Variants in FER observed in about 807,000 individuals in gnomAD.
The protein encoded by FER is tyrosine-protein kinase Fer.
Under a neutral mutation model 111.0 loss-of-function variants are expected in FER, and 63 were observed. The ratio of observed to expected loss-of-function variants is 0.57; its 90% CI spans 0.46 to 0.70. The LOEUF (loss-of-function observed/expected upper bound fraction) is 0.70. Among genes scored for constraint, FER ranks in the 30% least tolerant of loss-of-function variants. The pLI is 0.00. For synonymous variants in FER, 327 were observed against 313.9 expected (o/e 1.04, Z -0.44); for missense variants, 914 against 954.0 (o/e 0.96, Z 0.55).
rs542402938 is a variant in FER at position 108,996,164 on chromosome 5, CT to C, written c.1656+36820del. On this transcript the variant is annotated intron_variant, in intron 13 of 19. Transcript: ENST00000281092. ...TCATTGTAGATTCTGGATATTAGCCCTTTGTCAGATGGAGAGATTGCAAAAA... is the reference window on the plus strand; with the variant it reads ...TCATTGTAGATTCTGGATATTAGCCCTTGTCAGATGGAGAGATTGCAAAAA... Among the ~76,000 whole-genome samples, 248 of 152,190 alleles carry C rather than the reference CT, an allele frequency of 1.6e-3. 1 individual carries two copies. Among genetic ancestry groups the C allele is most frequent in the Non-Finnish European group, 2.9e-3 (197 of 68,002 alleles).
At chr5:108,849,454 TTTG>T (rs77866064) in intron 5 of FER, among the ~76,000 whole-genome samples, 2,176 of 146,634 alleles carry the variant, frequency 0.015, 30 homozygotes, top group Middle Eastern at 0.06. Context: ...TGGTGGTGGT[TTTG>T]TTGTTGTTGT....
rs1759767498 is a variant in FER at position 109,196,669 on chromosome 5, A to G, written c.*9094A>G. 6.6e-6 allele frequency: 1 copy of G among 152,208 alleles called. No individual in the cohort carries two copies. The highest frequency in any genetic ancestry group is 2.4e-5 in the African/African-American group (1 of 41,470). The allele number at this position is 152,208 out of a possible 1,614,324, so 9.4% of individuals were successfully genotyped here. A position where few individuals can be genotyped will look rare whatever the true frequency, so the allele number is the denominator to read the frequency against. ...AAATACACTTTGAACTTTGGCTAAC[A>G]TTGTAGGATATTTTTTAATTGTTTC... On this transcript the variant is annotated 3_prime_UTR_variant, in exon 20 of 20. Coordinates refer to ENST00000281092, the MANE Select transcript of FER (RefSeq NM_005246.4).
chr5:109,053,929 G>C (rs1169168616), intron 16 of FER, among the ~76,000 whole-genome samples: 2 of 151,976 alleles, frequency 1.3e-5, no homozygotes, highest in African/African-American at 4.8e-5. Flanking sequence ...CTGACCTCGT[G>C]ATCCGCCCGC....
At chr5:108,861,375 A>G (rs1323222441) in intron 5 of FER, among the ~76,000 whole-genome samples, 2 of 152,174 alleles carry the variant, frequency 1.3e-5, no homozygotes. Flanking sequence ...AATATTGTTG[A>G]TGGCATGATA....
At chr5:109,134,540 G>T (rs539767000) in intron 17 of FER, among the ~76,000 whole-genome samples, 4 of 152,086 alleles carry the variant, frequency 2.6e-5, no homozygotes, top group African/African-American at 9.7e-5. Context: ...ATTAAAACTA[G>T]ATTTTGTTCT....
chr5:109,131,412 A>AT (rs1230979779), intron 17 of FER, among the ~76,000 whole-genome samples: 2 of 152,032 alleles, frequency 1.3e-5, no homozygotes, highest in Non-Finnish European at 2.9e-5. Context: ...GTAGCATAAG[A>AT]TTTTTTCCCC....
intron 1 of FER, among the ~76,000 whole-genome samples, chr5:108,756,842 C>A (rs1751172062): frequency 6.6e-6 from 1 of 152,074 alleles, no homozygotes; most frequent in Admixed American, 6.5e-5. Flanking sequence ...ATTTTAACCT[C>A]CCAGGTAGAG....
chr5:109,169,472 T>C (rs1756886104), intron 17 of FER, among the ~76,000 whole-genome samples: 1 of 152,166 alleles, frequency 6.6e-6, no homozygotes, highest in African/African-American at 2.4e-5. Flanking sequence ...TAAAGTCACC[T>C]GGGATATTAC....
intron 12 of FER, among the ~76,000 whole-genome samples, chr5:108,955,267 T>C (rs779087693): frequency 6.6e-6 from 1 of 151,778 alleles, no homozygotes; most frequent in Admixed American, 6.6e-5. Flanking sequence ...CTAGAGAAAC[T>C]TAAGTTTATG....
intron 10 of FER, among the ~76,000 whole-genome samples, chr5:108,905,975 A>T (rs1404915077): frequency 6.6e-6 from 1 of 152,196 alleles, no homozygotes; most frequent in African/African-American, 2.4e-5. Context: ...TGGTTGTGAT[A>T]GAATCTTTGC....
At chr5:108,977,162 G>T (rs548367986) in intron 13 of FER, among the ~76,000 whole-genome samples, 158 of 152,256 alleles carry the variant, frequency 1.0e-3, no homozygotes, top group African/African-American at 3.7e-3. Context: ...CAGTAGTAAT[G>T]TATGTACTAC....
chr5:109,089,414 A>G (rs904008984), intron 16 of FER, among the ~76,000 whole-genome samples: 5 of 152,204 alleles, frequency 3.3e-5, no homozygotes, highest in Non-Finnish European at 2.9e-5. Flanking sequence ...TAAGGAGGGC[A>G]GCATCTCAGT....
At chr5:108,840,399 C>A (rs1761138872) in intron 5 of FER, among the ~76,000 whole-genome samples, 1 of 152,084 alleles carries the variant, frequency 6.6e-6, no homozygotes, top group Admixed American at 6.6e-5. Context: ...TTTTTTCTGT[C>A]CATCATTTCC....
intron 2 of FER, among the ~76,000 whole-genome samples, chr5:108,768,698 A>G (rs909732593): frequency 3.9e-5 from 6 of 152,202 alleles, no homozygotes; most frequent in South Asian, 2.1e-4. Flanking sequence ...TCTAAGTGTC[A>G]TACAGTGTGC....
At position 109,067,363 on chromosome 5, in the gene FER, T is replaced by C. The variant is rs140122858; in HGVS notation, c.1924+20165T>C. On this transcript the variant is annotated intron_variant, in intron 16 of 19. Coordinates refer to ENST00000281092, the MANE Select transcript of FER (RefSeq NM_005246.4). ...GACCCCTATTCTCCTTAGTTTCTCT[T>C]CTTGAAGATAGCTCCTCTTACTTTT... 1.1e-4 allele frequency among the ~76,000 whole-genome samples: 17 copies of C among 152,272 alleles called. 1 individual carries two copies. In the East Asian group the frequency reaches 3.1e-3, roughly 28 times the overall value.
Position 109,191,177 on chromosome 5 carries a change from A to G in FER, c.*3602A>G, listed in dbSNP as rs1044017741. ...AATTAAAATGCAACAATCCAAATAA[A>G]TTATAATGTAACAATACAAATATCT... On this transcript the variant is annotated 3_prime_UTR_variant, in exon 20 of 20. Transcript: ENST00000281092. The G allele has an allele frequency of 1.3e-5, 2 of 152,160 alleles. No homozygotes were observed. The highest frequency in any genetic ancestry group is 1.5e-5 in the Non-Finnish European group (1 of 68,004). The allele number at this position is 152,160 out of a possible 1,614,324, so 9.4% of individuals were successfully genotyped here. A position where few individuals can be genotyped will look rare whatever the true frequency, so the allele number is the denominator to read the frequency against.
chr5:108,965,286 G>A (rs1379180951), intron 13 of FER, among the ~76,000 whole-genome samples: 1 of 152,156 alleles, frequency 6.6e-6, no homozygotes, highest in African/African-American at 2.4e-5. Flanking sequence ...TCTTAGGCAA[G>A]CCAGCCTTCT....
intron 11 of FER, among the ~76,000 whole-genome samples, chr5:108,952,408 A>G (rs2149647172): frequency 6.6e-6 from 1 of 151,894 alleles, no homozygotes; most frequent in East Asian, 1.9e-4. Flanking sequence ...CAGTGCTTCT[A>G]GAGAAGTCTT....
At chr5:108,777,926 C>G (rs1335069241) in intron 2 of FER, among the ~76,000 whole-genome samples, 1 of 152,146 alleles carries the variant, frequency 6.6e-6, no homozygotes, top group Non-Finnish European at 1.5e-5. Context: ...CACAGGGTCC[C>G]TCCCACAACA....
Sources: allele counts gnomAD v4.1 joint callset (sites outside exome capture counted in the v4.1 genomes callset), GRCh38; gene constraint gnomAD v4.1.1; transcripts MANE v1.5; gene names NCBI Gene and HGNC (gene_info 2026-07-23, HGNC 2026-07-21).